PRKCA: variants seen among roughly 807,000 people sequenced by gnomAD.
PRKCA encodes protein kinase C alpha type.
PRKCA carries 27 observed loss-of-function variants against 87.0 expected under a neutral mutation model. The ratio of observed to expected loss-of-function variants is 0.31; its 90% confidence interval spans 0.23 to 0.43. PRKCA has a LOEUF of 0.43. Among genes scored for constraint, PRKCA ranks in the 20% least tolerant of loss-of-function variants. The pLI is 1.00. For synonymous variants in PRKCA, 329 were observed against 311.1 expected, an observed-to-expected ratio of 1.06 and a Z score of -0.61; for missense variants, 518 against 852.3, an observed-to-expected ratio of 0.61 and a Z score of 4.88.
At chr17:66,656,695 C>T (rs1971742144) in intron 5 of PRKCA, among the ~76,000 whole-genome samples, 1 of 152,262 alleles carries the variant, frequency 6.6e-6, no homozygotes, top group African/African-American at 2.4e-5. Context: ...CAGATAAATG[C>T]TCCTTTTGTT....
intron 3 of PRKCA, among the ~76,000 whole-genome samples, chr17:66,616,378 A>G (rs569642353): frequency 4.6e-5 from 7 of 152,274 alleles, no homozygotes; most frequent in African/African-American, 1.4e-4. Context: ...AATGTCTTTG[A>G]GCTCATCTTT....
intron 2 of PRKCA, among the ~76,000 whole-genome samples, chr17:66,463,367 T>A (rs887845557): frequency 6.6e-6 from 1 of 151,548 alleles, no homozygotes; most frequent in Non-Finnish European, 1.5e-5. Context: ...GTGAAATTCT[T>A]AGCCTTGATT....
chr17:66,544,073 C>T (rs759499199), intron 3 of PRKCA, among the ~76,000 whole-genome samples: 31 of 152,182 alleles, frequency 2.0e-4, no homozygotes, highest in African/African-American at 3.9e-4. Context: ...AAATTAGCCA[C>T]GTGTGGTGGT....
At chr17:66,507,879 C>T (rs1265081804) in intron 3 of PRKCA, among the ~76,000 whole-genome samples, 1 of 152,170 alleles carries the variant, frequency 6.6e-6, no homozygotes, top group Non-Finnish European at 1.5e-5. Flanking sequence ...GCTTTGTTTT[C>T]TGTTTTTGCT....
chr17:66,735,714 C>T, intron 10 of PRKCA, 52 bp downstream of exon 10: 1 of 1,569,070 alleles, frequency 6.4e-7, no homozygotes, highest in Non-Finnish European at 8.7e-7. Flanking sequence ...CAGAGCTACG[C>T]CTCAGCCCAA....
intron 3 of PRKCA, among the ~76,000 whole-genome samples, chr17:66,620,378 A>G (rs1357583316): frequency 6.6e-6 from 1 of 152,158 alleles, no homozygotes; most frequent in Non-Finnish European, 1.5e-5. Flanking sequence ...ACCTCTGGGT[A>G]GGCAGAAGAA....
chr17:66,704,322 A>G (rs1598885308), intron 8 of PRKCA, among the ~76,000 whole-genome samples: 2 of 152,230 alleles, frequency 1.3e-5, no homozygotes, highest in African/African-American at 4.8e-5. Context: ...CACTTCGCTC[A>G]ATTTTAATTT....
chr17:66,670,476 C>G (rs930842368), intron 5 of PRKCA, among the ~76,000 whole-genome samples: 8 of 152,170 alleles, frequency 5.3e-5, no homozygotes, highest in Admixed American at 4.6e-4. Flanking sequence ...AAGATGCTAT[C>G]TCATTCTTTC....
chr17:66,766,294 A>G (rs28437993), intron 13 of PRKCA, among the ~76,000 whole-genome samples: 14,043 of 152,134 alleles, frequency 0.092, 1,006 homozygotes, highest in East Asian at 0.2. Flanking sequence ...AAGCAAAACC[A>G]ATCAGGTGGC....
intron 3 of PRKCA, among the ~76,000 whole-genome samples, chr17:66,626,591 C>T (rs1162548674): frequency 6.6e-6 from 1 of 150,986 alleles, no homozygotes; most frequent in Non-Finnish European, 1.5e-5. Context: ...AGGCTGGTCT[C>T]GATCTGCTGA....
intron 3 of PRKCA, among the ~76,000 whole-genome samples, chr17:66,587,989 G>A (rs956568420): frequency 1.3e-5 from 2 of 149,570 alleles, no homozygotes; most frequent in African/African-American, 4.9e-5. Context: ...TAGGTCTGGG[G>A]TGTACTCAGA....
intron 5 of PRKCA, among the ~76,000 whole-genome samples, chr17:66,656,901 C>T (rs1197276681): frequency 6.6e-6 from 1 of 152,084 alleles, no homozygotes; most frequent in Non-Finnish European, 1.5e-5. Context: ...TTTTCAACAC[C>T]AAGCTGCTCT....
At chr17:66,539,466 T>C (rs1360212903) in intron 3 of PRKCA, among the ~76,000 whole-genome samples, 1 of 151,788 alleles carries the variant, frequency 6.6e-6, no homozygotes, top group Non-Finnish European at 1.5e-5. Context: ...TGCAGTGGCG[T>C]GATCTCGGCT....
intron 2 of PRKCA, among the ~76,000 whole-genome samples, chr17:66,341,308 C>G (rs1907030129): frequency 6.6e-6 from 1 of 152,148 alleles, no homozygotes; most frequent in African/African-American, 2.4e-5. Flanking sequence ...CAGTTTCATT[C>G]CATCAGAGCA....
At chr17:66,762,126 G>A (rs756753194) in intron 13 of PRKCA, among the ~76,000 whole-genome samples, 3 of 152,146 alleles carry the variant, frequency 2.0e-5, no homozygotes, top group Non-Finnish European at 2.9e-5. Flanking sequence ...CTGAAAGAAC[G>A]AATGGAAGGT....
intron 13 of PRKCA, among the ~76,000 whole-genome samples, chr17:66,754,717 G>T (rs980829367): frequency 6.6e-6 from 1 of 152,148 alleles, no homozygotes; most frequent in Admixed American, 6.5e-5. Context: ...GAGAGGTCCG[G>T]TGGGCCAAGT....
At chr17:66,602,779 A>G (rs1415505632) in intron 3 of PRKCA, among the ~76,000 whole-genome samples, 2 of 152,184 alleles carry the variant, frequency 1.3e-5, no homozygotes, top group Non-Finnish European at 2.9e-5. Flanking sequence ...ACAGCCAAGT[A>G]TAAAGGGGTC....
At chr17:66,505,872 A>G (rs1304984026) in intron 3 of PRKCA, among the ~76,000 whole-genome samples, 2 of 151,888 alleles carry the variant, frequency 1.3e-5, no homozygotes, top group African/African-American at 4.8e-5. Flanking sequence ...ACTTATTTTG[A>G]ATTTTAGAGG....
At chr17:66,308,851 G>T (rs1030296935) in intron 2 of PRKCA, among the ~76,000 whole-genome samples, 1 of 151,756 alleles carries the variant, frequency 6.6e-6, no homozygotes, top group African/African-American at 2.4e-5. Context: ...TCTGACTATC[G>T]TAGAGTGAAG....
Sources: gnomAD v4.1 joint callset for allele counts (sites outside exome capture counted in the v4.1 genomes callset) on GRCh38, gnomAD v4.1.1 for gene constraint, MANE v1.5 for transcripts, NCBI Gene and HGNC (gene_info 2026-07-23, HGNC 2026-07-21) for gene names.